IL6ST: variants seen among roughly 807,000 people sequenced by gnomAD.
The protein encoded by IL6ST is interleukin-6 receptor subunit beta.
Under a neutral mutation model 91.3 loss-of-function variants are expected in IL6ST, and 24 were observed. The ratio of observed to expected loss-of-function variants is 0.26; its 90% CI spans 0.19 to 0.37. The LOEUF (loss-of-function observed/expected upper bound fraction) is 0.37. IL6ST is among the 10% of genes least tolerant of loss of function. The pLI is 1.00. For synonymous variants in IL6ST, 351 were observed against 373.6 expected (o/e 0.94, Z 0.70); for missense variants, 914 against 1,078.5 (o/e 0.85, Z 2.14).
At chr5:55,993,936 A>G (rs1248352229) in intron 1 of IL6ST, among the ~76,000 whole-genome samples, 3 of 152,086 alleles carry the variant, frequency 2.0e-5, no homozygotes, top group African/African-American at 7.2e-5. Flanking sequence ...AAAAGCAAAT[A>G]CCACAATCTT....
At chr5:55,946,727 GAATCACCTGAACTC>G (rs1751274162) in intron 15 of IL6ST, among the ~76,000 whole-genome samples, 1 of 151,266 alleles carries the variant, frequency 6.6e-6, no homozygotes, top group Non-Finnish European at 1.5e-5. Flanking sequence ...TGAGGCAGGA[GAATCACCTGAACTC>G]AGGAGGTAGA....
Position 55,982,739 on chromosome 5 carries a change from A to T in IL6ST, c.-31T>A, listed in dbSNP as rs191166219. ...AATTACTTACCCAAATCACAAAATT[A>T]GTAAGTGAAGGAGTAGGGATTTGAA... On this transcript the variant is annotated 5_prime_UTR_variant, in exon 2 of 17. Coordinates refer to ENST00000381298, the MANE Select transcript of IL6ST (RefSeq NM_002184.4). The T allele has an allele frequency of 5.0e-6, 2 of 398,408 alleles. No individual in the cohort carries two copies. Among genetic ancestry groups the T allele is most frequent in the Admixed American group, 8.8e-5 (2 of 22,740 alleles). The allele number at this position is 398,408 out of a possible 1,614,324, so 24.7% of individuals were successfully genotyped here. A position where few individuals can be genotyped will look rare whatever the true frequency, so the allele number is the denominator to read the frequency against.
At chr5:55,948,093 G>C (rs1751388783) in intron 14 of IL6ST, among the ~76,000 whole-genome samples, 1 of 152,144 alleles carries the variant, frequency 6.6e-6, no homozygotes, top group African/African-American at 2.4e-5. Flanking sequence ...AGTTTTAAGA[G>C]TTATTTACCA....
intron 3 of IL6ST, among the ~76,000 whole-genome samples, chr5:55,974,162 C>T (rs1753131973): frequency 1.3e-5 from 2 of 152,050 alleles, no homozygotes; most frequent in Non-Finnish European, 2.9e-5. Context: ...AGTATGAGTG[C>T]CACTGTAGTC....
rs1554022453 is a variant in IL6ST at position 55,940,122 on chromosome 5, G to GATATGTGTGT, written c.*950_*959dup. ...CTCTGAAGTCTTAAGAAAAGTCAAT[G>GATATGTGTGT]ATATGTGTGTGTATATATATATATA... On this transcript the variant is annotated 3_prime_UTR_variant, in exon 17 of 17. Transcript: ENST00000381298. 3.4e-5 allele frequency: 6 copies of GATATGTGTGT among 176,622 alleles called. No individual in the cohort carries two copies. The highest frequency in any genetic ancestry group is 2.0e-4 in the South Asian group (1 of 4,918). 10.9% of individuals were successfully genotyped at this position (176,622 alleles called of 1,614,324 possible).
chr5:55,960,643 T>C, intron 7 of IL6ST, 82 bp from the exon 8 acceptor site: 1 of 1,369,256 alleles, frequency 7.3e-7, no homozygotes, highest in Admixed American at 2.2e-5. Flanking sequence ...AACTTTTTTT[T>C]TTGAGGCACA....
intron 3 of IL6ST, among the ~76,000 whole-genome samples, chr5:55,974,829 A>G (rs1277411562): frequency 2.0e-5 from 3 of 151,958 alleles, no homozygotes. Context: ...CCTAGGAGGT[A>G]GTGGCCTTTA....
chr5:55,961,024 C>T (rs991948709), intron 7 of IL6ST, among the ~76,000 whole-genome samples: 14 of 152,090 alleles, frequency 9.2e-5, no homozygotes, highest in Non-Finnish European at 7.4e-5. Flanking sequence ...CTGCAACCTC[C>T]GCCTCCCAGG....
chr5:55,953,766 A>C (rs1222962684), intron 11 of IL6ST, among the ~76,000 whole-genome samples: 1 of 152,212 alleles, frequency 6.6e-6, no homozygotes, highest in African/African-American at 2.4e-5. Flanking sequence ...AGGTAAAAGA[A>C]TCGCTTGAGG....
At chr5:55,993,940 CA>C (rs1754483395) in intron 1 of IL6ST, among the ~76,000 whole-genome samples, 1 of 148,822 alleles carries the variant, frequency 6.7e-6, no homozygotes, top group Non-Finnish European at 1.5e-5. Context: ...GCAAATACCA[CA>C]ATCTTTCAGA....
Position 55,942,731 on chromosome 5 carries a change from G to C in IL6ST, c.1958C>G (p.Pro653Arg). 1 of 1,604,702 alleles carries C rather than the reference G, an allele frequency of 6.2e-7. No individual in the cohort carries two copies. The highest frequency in any genetic ancestry group is 8.5e-7 in the Non-Finnish European group (1 of 1,172,946). ...ACTCTTTGAAGGATCTGGAACATTA[G>C]GCCAGATGTGTTTTTTAATTCTGAA... ...KRDLIKKHIW[P>R]NVPDPSKSHI... The change falls in exon 16 of 17, where the codon CCT becomes CGT. Residue 653 changes from proline to arginine, a missense_variant. Physicochemically the swap from Pro to Arg is moderately radical, Grantham distance 103. Coordinates refer to ENST00000381298, the MANE Select transcript of IL6ST (RefSeq NM_002184.4).
At chr5:55,973,974 T>G (rs563387922) in intron 3 of IL6ST, among the ~76,000 whole-genome samples, 1 of 152,236 alleles carries the variant, frequency 6.6e-6, no homozygotes, top group African/African-American at 2.4e-5. Flanking sequence ...ACAGAGGAAA[T>G]ATATCCTATT....
At chr5:55,992,043 A>G (rs1465920217) in intron 1 of IL6ST, among the ~76,000 whole-genome samples, 1 of 152,192 alleles carries the variant, frequency 6.6e-6, no homozygotes, top group South Asian at 2.1e-4. Flanking sequence ...GTGCTTCTAC[A>G]TATATTATTC....
At chr5:55,942,192 A>G (rs920007790) in intron 16 of IL6ST, among the ~76,000 whole-genome samples, 1 of 152,234 alleles carries the variant, frequency 6.6e-6, no homozygotes, top group African/African-American at 2.4e-5. Flanking sequence ...AAATTTAAGG[A>G]CTACCGGAGG....
At position 55,936,386 on chromosome 5, in the gene IL6ST, T is replaced by G. The variant is rs1455638121; in HGVS notation, c.*4696A>C. ...TTTTAATGTCCACTAGGAGGGAGGA[T>G]GCTACGATTTCAGACCTCAGCTATT... On this transcript the variant is annotated 3_prime_UTR_variant, in exon 17 of 17. Transcript: ENST00000381298. 4.8e-6 allele frequency: 1 copy of G among 207,670 alleles called. No individual in the cohort carries two copies. The highest frequency in any genetic ancestry group is 2.4e-5 in the African/African-American group (1 of 42,228). 12.9% of individuals were successfully genotyped at this position (207,670 alleles called of 1,614,324 possible). A position where few individuals can be genotyped will look rare whatever the true frequency, so the allele number is the denominator to read the frequency against.
chr5:55,990,049 T>C (rs999149578), intron 1 of IL6ST, among the ~76,000 whole-genome samples: 7 of 152,098 alleles, frequency 4.6e-5, no homozygotes, highest in African/African-American at 7.2e-5. Context: ...GTGAAGCTGA[T>C]TGCTTAAAAG....
chr5:55,968,167 T>G, intron 5 of IL6ST, 109 bp downstream of exon 5: 2 of 1,011,418 alleles, frequency 2.0e-6, no homozygotes, highest in Non-Finnish European at 1.4e-6. Context: ...GAATAAAAAA[T>G]TAAATGTTTT....
intron 2 of IL6ST, among the ~76,000 whole-genome samples, chr5:55,978,760 T>A (rs1410376905): frequency 2.6e-5 from 4 of 152,122 alleles, no homozygotes; most frequent in African/African-American, 4.8e-5. Context: ...CCATCAGGGT[T>A]TTTGCTGATA....
At chr5:55,955,808 G>A (rs529733966) in intron 10 of IL6ST, among the ~76,000 whole-genome samples, 5 of 152,272 alleles carry the variant, frequency 3.3e-5, no homozygotes, top group African/African-American at 1.2e-4. Flanking sequence ...CTTGAGCTCA[G>A]GAGTTCGAGA....
Sources: allele counts gnomAD v4.1 joint callset (sites outside exome capture counted in the v4.1 genomes callset), GRCh38; gene constraint gnomAD v4.1.1; transcripts MANE v1.5; gene names NCBI Gene and HGNC (gene_info 2026-07-23, HGNC 2026-07-21).